Variants in CCDC148 observed in about 807,000 individuals in gnomAD.
The protein encoded by CCDC148 is coiled-coil domain-containing protein 148.
CCDC148 carries 89 observed loss-of-function variants against 85.7 expected under a neutral mutation model. The observed-to-expected ratio is 1.04, with a 90% CI of 0.87 to 1.24. The LOEUF is 1.24. Ranked by LOEUF, CCDC148 falls within the 50% of genes most tolerant of loss-of-function variation. The pLI, the probability that CCDC148 is intolerant of heterozygous loss-of-function variation, is 0.00. For synonymous variants in CCDC148, 230 were observed against 213.9 expected, an observed-to-expected ratio of 1.08 and a Z score of -0.66; for missense variants, 692 against 671.7, an observed-to-expected ratio of 1.03 and a Z score of -0.33.
chr2:158,418,097 T>TG lies in CCDC148; in HGVS notation c.25+38317dup, dbSNP rs1431796816. ...ACCATAAATGTAAAAATCCCTTGAGTGTTTTTTTTTTTAGTTTTCTGGAAA... is the reference window on the plus strand; with the variant it reads ...ACCATAAATGTAAAAATCCCTTGAGTGGTTTTTTTTTTTAGTTTTCTGGAAA... On this transcript the variant is annotated intron_variant, in intron 1 of 13. Transcript: ENST00000283233. Among the ~76,000 whole-genome samples the TG allele has an allele frequency of 3.3e-5, 5 of 151,760 alleles. No homozygotes were observed. In the East Asian group the frequency reaches 9.7e-4, roughly 29 times the overall value.
intron 1 of CCDC148, among the ~76,000 whole-genome samples, chr2:158,426,386 A>G (rs1687079263): frequency 6.6e-6 from 1 of 152,188 alleles, no homozygotes; most frequent in Admixed American, 6.6e-5. Context: ...GATAGTAAAT[A>G]TCATTTTAAT....
intron 10 of CCDC148, among the ~76,000 whole-genome samples, chr2:158,239,456 G>A (rs111525730): frequency 1.8e-4 from 28 of 152,026 alleles, no homozygotes; most frequent in Non-Finnish European, 3.1e-4. Context: ...TGAGCTTCTC[G>A]GATTACCATT....
intron 9 of CCDC148, among the ~76,000 whole-genome samples, chr2:158,281,945 C>T (rs1433797139): frequency 6.6e-6 from 1 of 151,944 alleles, no homozygotes; most frequent in African/African-American, 2.4e-5. Flanking sequence ...AAGTGGGCTT[C>T]ATCCCTGGGA....
At chr2:158,429,270 T>G (rs1574805521) in intron 1 of CCDC148, among the ~76,000 whole-genome samples, 1 of 152,048 alleles carries the variant, frequency 6.6e-6, no homozygotes, top group Admixed American at 6.6e-5. Flanking sequence ...ATGTACCCTA[T>G]AACTTAAAGT....
chr2:158,182,099 T>C (rs1389482078), intron 11 of CCDC148, among the ~76,000 whole-genome samples: 1 of 152,054 alleles, frequency 6.6e-6, no homozygotes, highest in Non-Finnish European at 1.5e-5. Flanking sequence ...TCCCTAAGAC[T>C]GGGAACTCAC....
At position 158,280,097 on chromosome 2, in the gene CCDC148, G is replaced by C. The variant is rs1254536271; in HGVS notation, c.1111-29185C>G. 4.6e-5 allele frequency among the ~76,000 whole-genome samples: 7 copies of C among 151,926 alleles called. No homozygotes were observed. In the South Asian group the frequency reaches 6.3e-4, roughly 14 times the overall value. On this transcript the variant is annotated intron_variant, in intron 9 of 13. Transcript: ENST00000283233. ...ATGCTGAGAGATTTTGTCACCACCA[G>C]GCCTGCCCTAAAAGAGCTCCTGAAG...
chr2:158,430,366 TA>T (rs1553521245), intron 1 of CCDC148, among the ~76,000 whole-genome samples: 1 of 152,080 alleles, frequency 6.6e-6, no homozygotes, highest in Non-Finnish European at 1.5e-5. Flanking sequence ...CTAATTTTTT[TA>T]AAAAAGACAG....
chr2:158,274,122 T>C (rs1417538887), intron 9 of CCDC148, among the ~76,000 whole-genome samples: 1 of 152,150 alleles, frequency 6.6e-6, no homozygotes, highest in African/African-American at 2.4e-5. Flanking sequence ...TAGATGTCAT[T>C]AGCTTCTGAA....
intron 8 of CCDC148, among the ~76,000 whole-genome samples, chr2:158,313,386 G>A (rs903222667): frequency 6.6e-6 from 1 of 152,208 alleles, no homozygotes; most frequent in African/African-American, 2.4e-5. Flanking sequence ...TGTGAATGGT[G>A]GAGCAGGCAT....
chr2:158,440,373 C>T (rs761102648), intron 1 of CCDC148, among the ~76,000 whole-genome samples: 28 of 152,050 alleles, frequency 1.8e-4, no homozygotes, highest in Non-Finnish European at 3.7e-4. Context: ...AAAAACTGTA[C>T]ATAAATATAC....
intron 11 of CCDC148, among the ~76,000 whole-genome samples, chr2:158,209,254 C>T (rs1295666602): frequency 6.6e-6 from 1 of 152,120 alleles, no homozygotes; most frequent in African/African-American, 2.4e-5. Flanking sequence ...TTCTCCCAAT[C>T]CATGGCTTTA....
At chr2:158,286,672 G>A (rs1046788067) in intron 9 of CCDC148, among the ~76,000 whole-genome samples, 2 of 152,144 alleles carry the variant, frequency 1.3e-5, no homozygotes, top group Non-Finnish European at 1.5e-5. Flanking sequence ...TGGAATGGAG[G>A]GTTCAGAAGT....
chr2:158,240,866 G>A (rs921103658), intron 10 of CCDC148, among the ~76,000 whole-genome samples: 8 of 152,146 alleles, frequency 5.3e-5, no homozygotes, highest in African/African-American at 1.9e-4. Context: ...AAACCCTATT[G>A]GAGTCAGTTA....
intron 9 of CCDC148, among the ~76,000 whole-genome samples, chr2:158,270,806 T>A (rs183458778): frequency 2.6e-5 from 4 of 151,990 alleles, no homozygotes; most frequent in Admixed American, 2.6e-4. Flanking sequence ...CAGGGGGGAG[T>A]ACTTTTCCAA....
chr2:158,188,348 G>A (rs1221146385), intron 11 of CCDC148, among the ~76,000 whole-genome samples: 1 of 151,946 alleles, frequency 6.6e-6, no homozygotes, highest in Non-Finnish European at 1.5e-5. Flanking sequence ...ACTGATTGAG[G>A]TGACTTCACA....
chr2:158,338,900 T>C lies in CCDC148; in HGVS notation c.590A>G (p.Asp197Gly), dbSNP rs749112227. The C allele has an allele frequency of 2.5e-6, 4 of 1,602,532 alleles. No individual in the cohort carries two copies. The highest frequency in any genetic ancestry group is 4.5e-5 in the East Asian group (2 of 44,756). Residue 197 changes from aspartate (D) to glycine (G), a missense_variant, in exon 7 of 14, where the codon GAT becomes GGT. Transcript: ENST00000283233. ...DLSDWSIKIL[D>G]HSLEEKTNPL... ...GTTAGTCTTTTCTTCCAAAGAATGA[T>C]CTAGAATCTGAAAAAAAGTATATGA...
intron 9 of CCDC148, among the ~76,000 whole-genome samples, chr2:158,278,099 A>C (rs1255608347): frequency 6.6e-6 from 1 of 152,106 alleles, no homozygotes; most frequent in Non-Finnish European, 1.5e-5. Flanking sequence ...CCTTAAATTG[A>C]CTCATTTTTT....
At chr2:158,286,214 T>A (rs1373201890) in intron 9 of CCDC148, among the ~76,000 whole-genome samples, 2 of 152,134 alleles carry the variant, frequency 1.3e-5, no homozygotes, top group Non-Finnish European at 2.9e-5. Context: ...ACACCAAATA[T>A]GTAGAAATGA....
chr2:158,217,703 C>T (rs969559649), intron 11 of CCDC148, among the ~76,000 whole-genome samples: 7 of 151,618 alleles, frequency 4.6e-5, no homozygotes, highest in Admixed American at 1.3e-4. Context: ...CGCACCCGGT[C>T]GAATATTGTT....
Sources: allele counts gnomAD v4.1 joint callset (sites outside exome capture counted in the v4.1 genomes callset), GRCh38; gene constraint gnomAD v4.1.1; transcripts MANE v1.5; gene names NCBI Gene and HGNC (gene_info 2026-07-23, HGNC 2026-07-21).